Variants in GALNT13 observed in about 807,000 individuals in gnomAD.
GALNT13 encodes the protein polypeptide N-acetylgalactosaminyltransferase 13, also known as UDP-GalNAc:polypeptide N-acetylgalactosaminyltransferase 13.
GALNT13 carries 28 observed loss-of-function variants against 64.2 expected under a neutral mutation model. The ratio of observed to expected loss-of-function variants is 0.44; its 90% CI spans 0.32 to 0.60. The LOEUF (loss-of-function observed/expected upper bound fraction) is 0.60. Ranked by LOEUF, GALNT13 falls within the 20% of genes least tolerant of loss-of-function variation. The pLI, the probability that GALNT13 is intolerant of heterozygous loss-of-function variation, is 0.05. For synonymous variants in GALNT13, 214 were observed against 224.6 expected (o/e 0.95, Z 0.42); for missense variants, 577 against 669.8 (o/e 0.86, Z 1.53).
intron 4 of GALNT13, among the ~76,000 whole-genome samples, chr2:154,201,854 G>A (rs1246304446): frequency 6.6e-6 from 1 of 152,032 alleles, no homozygotes; most frequent in African/African-American, 2.4e-5. Flanking sequence ...CTTCACCTAA[G>A]TCCTTGTTCC....
At chr2:153,098,235 C>G in the GALNT13 span, among the ~76,000 whole-genome samples, 1 of 152,130 alleles carries the variant, frequency 6.6e-6, no homozygotes, top group Non-Finnish European at 1.5e-5. Flanking sequence ...TCTTTAATAG[C>G]CTTCTTCATG....
chr2:153,284,464 A>G, the GALNT13 span, among the ~76,000 whole-genome samples: 1 of 152,314 alleles, frequency 6.6e-6, no homozygotes, highest in African/African-American at 2.4e-5. Context: ...GACTGTCTTT[A>G]TATGCACTCA....
the GALNT13 span, among the ~76,000 whole-genome samples, chr2:153,127,359 C>G: frequency 6.6e-6 from 1 of 152,118 alleles, no homozygotes; most frequent in South Asian, 2.1e-4. Flanking sequence ...CATGTGGCCT[C>G]TCATATCCAT....
At chr2:153,540,255 C>G in the GALNT13 span, among the ~76,000 whole-genome samples, 3 of 152,204 alleles carry the variant, frequency 2.0e-5, no homozygotes, top group African/African-American at 7.2e-5. Context: ...TCAGAGGGTA[C>G]AAGTCCCAAG....
At chr2:154,221,707 T>A (rs1247498952) in intron 4 of GALNT13, among the ~76,000 whole-genome samples, 7 of 152,144 alleles carry the variant, frequency 4.6e-5, no homozygotes, top group Non-Finnish European at 7.4e-5. Flanking sequence ...CTAACCCTAT[T>A]CATTACTCTT....
At chr2:153,348,821 C>G in the GALNT13 span, among the ~76,000 whole-genome samples, 49 of 152,220 alleles carry the variant, frequency 3.2e-4, no homozygotes, top group African/African-American at 1.1e-3. Context: ...TTAATTGTTG[C>G]CCGGTCCCCA....
chr2:154,147,032 A>C (rs1441331375), intron 4 of GALNT13, among the ~76,000 whole-genome samples: 2 of 152,112 alleles, frequency 1.3e-5, no homozygotes, highest in African/African-American at 4.8e-5. Flanking sequence ...TTAATTCACA[A>C]GCCCCAGTTA....
At chr2:154,089,848 T>G (rs1005082735) in intron 3 of GALNT13, among the ~76,000 whole-genome samples, 1 of 151,566 alleles carries the variant, frequency 6.6e-6, no homozygotes, top group Middle Eastern at 3.4e-3. Flanking sequence ...TCACCACTTA[T>G]GGTTGTTTTG....
the GALNT13 span, among the ~76,000 whole-genome samples, chr2:153,214,199 G>T: frequency 4.6e-5 from 7 of 152,146 alleles, no homozygotes; most frequent in Admixed American, 1.3e-4. Context: ...GTAATGAAAT[G>T]CCCCACAGCG....
chr2:153,447,193 CT>C, the GALNT13 span, among the ~76,000 whole-genome samples: 1 of 152,150 alleles, frequency 6.6e-6, no homozygotes, highest in Non-Finnish European at 1.5e-5. Flanking sequence ...TGCACCTAAA[CT>C]GATGCTTGGC....
At chr2:153,529,258 G>T in the GALNT13 span, among the ~76,000 whole-genome samples, 1 of 151,930 alleles carries the variant, frequency 6.6e-6, no homozygotes, top group African/African-American at 2.4e-5. Flanking sequence ...GAAATTCAAA[G>T]GATGATTTGT....
intron 4 of GALNT13, among the ~76,000 whole-genome samples, chr2:154,200,033 C>T (rs1329910269): frequency 1.3e-5 from 2 of 151,896 alleles, no homozygotes; most frequent in African/African-American, 4.8e-5. Flanking sequence ...AGTAAAATAA[C>T]TTCCACTAGT....
intron 9 of GALNT13, among the ~76,000 whole-genome samples, chr2:154,393,290 A>G (rs1698881836): frequency 6.6e-6 from 1 of 152,184 alleles, no homozygotes; most frequent in Admixed American, 6.5e-5. Context: ...TTGTAGCTGC[A>G]CCCACTGGGA....
chr2:153,585,821 G>T, the GALNT13 span, among the ~76,000 whole-genome samples: 1 of 151,800 alleles, frequency 6.6e-6, no homozygotes, highest in South Asian at 2.1e-4. Context: ...TTCTGGTTTC[G>T]GCAAGATTAA....
intron 9 of GALNT13, among the ~76,000 whole-genome samples, chr2:154,373,021 AG>A (rs1311539371): frequency 2.0e-5 from 3 of 152,098 alleles, no homozygotes; most frequent in Non-Finnish European, 4.4e-5. Context: ...CTAGGAGCTA[AG>A]ATAACTGAAA....
the GALNT13 span, among the ~76,000 whole-genome samples, chr2:153,531,745 A>G: frequency 6.6e-6 from 1 of 152,174 alleles, no homozygotes; most frequent in Non-Finnish European, 1.5e-5. Flanking sequence ...TACAATGAGG[A>G]TACAGGCATT....
intron 9 of GALNT13, among the ~76,000 whole-genome samples, chr2:154,346,474 G>A (rs970042785): frequency 8.6e-5 from 13 of 151,916 alleles, no homozygotes; most frequent in East Asian, 1.9e-4. Flanking sequence ...TAATTGAATC[G>A]TGGGCGTGGT....
At chr2:153,511,732 GTACTA>G in the GALNT13 span, among the ~76,000 whole-genome samples, 1 of 152,190 alleles carries the variant, frequency 6.6e-6, no homozygotes, top group Non-Finnish European at 1.5e-5. Flanking sequence ...TGCCAAGTGA[GTACTA>G]TAAACAAGAC....
At chr2:154,043,414 TTATATATATA>T (rs1179722579) in intron 3 of GALNT13, among the ~76,000 whole-genome samples, 165 of 78,252 alleles carry the variant, frequency 2.1e-3, no homozygotes, top group African/African-American at 4.4e-3. Context: ...ATAAGGACTT[TTATATATATA>T]TATATATATA....
Sources: allele counts gnomAD v4.1 joint callset (sites outside exome capture counted in the v4.1 genomes callset), GRCh38; gene constraint gnomAD v4.1.1; transcripts MANE v1.5; gene names NCBI Gene and HGNC (gene_info 2026-07-23, HGNC 2026-07-21).